Variants in FAM168A observed in about 807,000 individuals in gnomAD.
The protein encoded by FAM168A is family with sequence similarity 168 member A.
A neutral mutation model predicts 28.5 loss-of-function variants in FAM168A; 3 were observed. The observed-to-expected ratio is 0.11, with a 90% confidence interval of 0.05 to 0.27. The LOEUF (loss-of-function observed/expected upper bound fraction) is 0.27, where lower values mean the gene tolerates loss of function less well. FAM168A is among the 10% of genes least tolerant of loss of function. The pLI, the probability that FAM168A is intolerant of heterozygous loss-of-function variation, is 1.00. For missense variants in FAM168A, 222 were observed against 311.5 expected (o/e 0.71, Z 2.16); for synonymous variants, 122 against 124.2 (o/e 0.98, Z 0.12).
intron 2 of FAM168A, among the ~76,000 whole-genome samples, chr11:73,434,227 G>C (rs1412080127): frequency 6.6e-6 from 1 of 152,126 alleles, no homozygotes; most frequent in African/African-American, 2.4e-5. Flanking sequence ...AGGGACTTTT[G>C]TCAGTGAACA....
At chr11:73,561,358 C>G (rs2134705883) in intron 1 of FAM168A, among the ~76,000 whole-genome samples, 1 of 152,222 alleles carries the variant, frequency 6.6e-6, no homozygotes, top group Non-Finnish European at 1.5e-5. Flanking sequence ...GCCTGGGCAA[C>G]AAAAGTGAAA....
intron 2 of FAM168A, among the ~76,000 whole-genome samples, chr11:73,462,419 T>A (rs1465807383): frequency 6.6e-6 from 1 of 152,060 alleles, no homozygotes; most frequent in African/African-American, 2.4e-5. Flanking sequence ...AATAAGTAGG[T>A]TGGTGATTGC....
At chr11:73,449,187 C>A (rs1867380719) in intron 2 of FAM168A, among the ~76,000 whole-genome samples, 1 of 152,076 alleles carries the variant, frequency 6.6e-6, no homozygotes, top group South Asian at 2.1e-4. Context: ...CCAGGCTGGT[C>A]TCCAACTCCT....
intron 1 of FAM168A, among the ~76,000 whole-genome samples, chr11:73,558,601 G>GT (rs1943917563): frequency 6.9e-6 from 1 of 145,032 alleles, no homozygotes; most frequent in Non-Finnish European, 1.5e-5. Context: ...CAACAAAAAG[G>GT]CAAAAAAAAA....
At chr11:73,515,916 C>T (rs182637460) in intron 1 of FAM168A, among the ~76,000 whole-genome samples, 17 of 151,974 alleles carry the variant, frequency 1.1e-4, no homozygotes, top group African/African-American at 3.6e-4. Context: ...TCCTGGCCAA[C>T]GTGGTGAAAC....
At position 73,568,258 on chromosome 11, in the gene FAM168A, C is replaced by T. The variant is rs115629222; in HGVS notation, c.-19+29665G>A. On this transcript the variant is annotated intron_variant, in intron 1 of 7. Coordinates refer to ENST00000356467, the MANE Select transcript of FAM168A (RefSeq NM_015159.3). ...GGCTGAAAATTCCAATTTCTTATCT[C>T]ATATGGCTTCCACATTAAAACAATT... Among the ~76,000 whole-genome samples the T allele has an allele frequency of 8.4e-3, 1,277 of 152,278 alleles. 19 individuals are homozygous for T. Among genetic ancestry groups the T allele is most frequent in the African/African-American group, 0.029 (1,214 of 41,554 alleles).
At chr11:73,565,006 A>G (rs1172661196) in intron 1 of FAM168A, among the ~76,000 whole-genome samples, 1 of 152,164 alleles carries the variant, frequency 6.6e-6, no homozygotes, top group Non-Finnish European at 1.5e-5. Flanking sequence ...CTGATTCCCT[A>G]TCAAGAGCTC....
At chr11:73,416,743 G>A (rs748563555) in intron 4 of FAM168A, among the ~76,000 whole-genome samples, 21 of 152,126 alleles carry the variant, frequency 1.4e-4, no homozygotes, top group Non-Finnish European at 2.4e-4. Flanking sequence ...CCAGGAGTTC[G>A]AGACCAGCCT....
intron 3 of FAM168A, among the ~76,000 whole-genome samples, chr11:73,428,079 C>G (rs947391460): frequency 2.0e-5 from 3 of 152,162 alleles, no homozygotes; most frequent in Non-Finnish European, 4.4e-5. Context: ...TATCTGTGAC[C>G]TTTCCTTTAG....
intron 2 of FAM168A, among the ~76,000 whole-genome samples, chr11:73,432,832 G>A (rs980087375): frequency 2.0e-5 from 3 of 152,056 alleles, no homozygotes; most frequent in Non-Finnish European, 4.4e-5. Flanking sequence ...GCAGTGAGCC[G>A]AGATGACGCC....
chr11:73,456,819 A>G (rs1160539658), intron 2 of FAM168A, among the ~76,000 whole-genome samples: 2 of 152,378 alleles, frequency 1.3e-5, no homozygotes, highest in East Asian at 1.9e-4. Context: ...TTTTCAGAGA[A>G]TTTCAGCCTT....
intron 1 of FAM168A, among the ~76,000 whole-genome samples, chr11:73,524,021 G>A (rs1293322897): frequency 2.0e-5 from 3 of 151,798 alleles, no homozygotes; most frequent in South Asian, 2.1e-4. Context: ...CACTGCCCCC[G>A]GCCCCTACTC....
intron 1 of FAM168A, chr11:73,580,443 A>G: frequency 1.6e-6 from 1 of 621,300 alleles, no homozygotes; most frequent in South Asian, 1.4e-5. Context: ...GCTGGCCAGG[A>G]TGGGGATAAC....
rs2134756096 is a variant in FAM168A, at chr11:73,597,916, T to G, written c.-19+7A>C. On this transcript the variant is annotated splice_region_variant and intron_variant, in intron 1 of 7. Transcript: ENST00000356467. The stretch of plus-strand genomic sequence containing the variant: ...AGCGGACCCTGTGGCGGGGGGAGTC[T>G]CCTCACCGGTGAGCAGCTGCAGGCG... 6.5e-6 allele frequency: 1 copy of G among 153,548 alleles called. No homozygotes were observed. Among genetic ancestry groups the G allele is most frequent in the African/African-American group, 2.4e-5 (1 of 41,446 alleles). The allele number at this position is 153,548 out of a possible 1,614,324, so 9.5% of individuals were successfully genotyped here. A position where few individuals can be genotyped will look rare whatever the true frequency, so the allele number is the denominator to read the frequency against.
At chr11:73,589,401 C>G (rs1944353925) in intron 1 of FAM168A, among the ~76,000 whole-genome samples, 1 of 151,138 alleles carries the variant, frequency 6.6e-6, no homozygotes, top group Non-Finnish European at 1.5e-5. Flanking sequence ...GTAACATGGG[C>G]GTCCAACCTT....
chr11:73,592,588 T>C (rs377241915), intron 1 of FAM168A, among the ~76,000 whole-genome samples: 1 of 146,424 alleles, frequency 6.8e-6, no homozygotes, highest in Non-Finnish European at 1.5e-5. Context: ...TAAAACCACA[T>C]AAAAGGAGGA....
At chr11:73,495,448 C>T (rs1488480417) in intron 1 of FAM168A, among the ~76,000 whole-genome samples, 2 of 152,210 alleles carry the variant, frequency 1.3e-5, no homozygotes, top group East Asian at 3.8e-4. Flanking sequence ...CATCACCACT[C>T]CATCACCACT....
At chr11:73,562,495 C>A (rs1250321548) in intron 1 of FAM168A, among the ~76,000 whole-genome samples, 3 of 152,146 alleles carry the variant, frequency 2.0e-5, no homozygotes, top group Non-Finnish European at 4.4e-5. Context: ...CATTTGATTT[C>A]TTGCTTAATC....
rs978898671 is a variant in FAM168A at position 73,403,975 on chromosome 11, C to G, written c.*2788G>C. 2.0e-5 allele frequency: 3 copies of G among 152,232 alleles called. No individual in the cohort carries two copies. The highest frequency in any genetic ancestry group is 1.9e-4 in the East Asian group (1 of 5,202). 9.4% of individuals were successfully genotyped at this position (152,232 alleles called of 1,614,324 possible). On this transcript the variant is annotated 3_prime_UTR_variant, in exon 8 of 8. Coordinates refer to ENST00000356467, the MANE Select transcript of FAM168A (RefSeq NM_015159.3). ...GGGGATCAGATGGAGGGGAACGAGA[C>G]AGCAGACAGCCTGGGATTCGAGTGG...
Sources: gnomAD v4.1 joint callset for allele counts (sites outside exome capture counted in the v4.1 genomes callset) on GRCh38, gnomAD v4.1.1 for gene constraint, MANE v1.5 for transcripts, NCBI Gene and HGNC (gene_info 2026-07-23, HGNC 2026-07-21) for gene names.